Variants in CAPZB observed in about 807,000 individuals in gnomAD.
CAPZB encodes capping actin protein of muscle Z-line subunit beta.
In CAPZB, 2 loss-of-function variants were observed where a neutral mutation model predicts 38.1. The ratio of observed to expected loss-of-function variants is 0.05; its 90% CI spans 0.02 to 0.17. The LOEUF (loss-of-function observed/expected upper bound fraction) is 0.17, where lower values mean the gene tolerates loss of function less well. Ranked by LOEUF, CAPZB falls within the 10% of genes least tolerant of loss-of-function variation. CAPZB has a pLI of 1.00. For missense variants in CAPZB, 161 were observed against 334.2 expected (o/e 0.48, Z 4.04); for synonymous variants, 107 against 127.4 (o/e 0.84, Z 1.08).
chr1:19,477,363 G>A (rs1293620143), intron 1 of CAPZB, among the ~76,000 whole-genome samples: 1 of 152,240 alleles, frequency 6.6e-6, no homozygotes, highest in African/African-American at 2.4e-5. Flanking sequence ...AAGGTGTCTG[G>A]AGGGTATACA....
chr1:19,344,284 C>T (rs941254163), intron 8 of CAPZB, 74 bp downstream of exon 8: 27 of 1,203,776 alleles, frequency 2.2e-5, no homozygotes, highest in Admixed American at 1.7e-4. Flanking sequence ...CAAGACCACA[C>T]AGCTAGTAAC....
In CAPZB at chr1:19,369,782, G is replaced by A. The variant is rs554708873; in HGVS notation, c.329+8758C>T. Among the ~76,000 whole-genome samples, 14 of 152,180 alleles carry A rather than the reference G, an allele frequency of 9.2e-5. No homozygotes were observed. The East Asian group carries it at 1.3e-3, about 15-fold the overall frequency. ...GAAGGGGGATGTCCCCAACCAAACC[G>A]TCCCTGCAGCTCCAGGATGTTCTTA... On this transcript the variant is annotated intron_variant, in intron 4 of 8. Transcript: ENST00000264202.
rs143919102 is a variant in CAPZB, at chr1:19,449,691, A to G, written c.4-29941T>C. 8.0e-3 allele frequency among the ~76,000 whole-genome samples: 1,213 copies of G among 151,656 alleles called. 8 individuals carry two copies. The highest frequency in any genetic ancestry group is 0.027 in the African/African-American group (1,109 of 41,308). The stretch of plus-strand genomic sequence containing the variant: ...TCCCATCTACTTGAGAGGCTGAGGC[A>G]TGAGAAACCTTGAACCTAAGAGGCA... On this transcript the variant is annotated intron_variant, in intron 1 of 8. Transcript: ENST00000264202.
intron 1 of CAPZB, among the ~76,000 whole-genome samples, chr1:19,469,741 T>TACACACACACACACACACACACAC (rs60330360): frequency 7.3e-6 from 1 of 136,620 alleles, no homozygotes; most frequent in African/African-American, 2.8e-5. Flanking sequence ...AGGAAAAGAA[T>TACACACACACACACACACACACAC]ACACACACAC....
chr1:19,467,148 G>A (rs924484430), intron 1 of CAPZB, among the ~76,000 whole-genome samples: 9 of 151,972 alleles, frequency 5.9e-5, no homozygotes, highest in Non-Finnish European at 1.0e-4. Flanking sequence ...TTGGCCTCCC[G>A]AAGTGCTGAG....
intron 1 of CAPZB, among the ~76,000 whole-genome samples, chr1:19,476,211 GATAGATAGATAGA>G (rs2094606270): frequency 7.7e-6 from 1 of 129,036 alleles, no homozygotes; most frequent in African/African-American, 2.8e-5. Flanking sequence ...TAGATAGATA[GATAGATAGATAGA>G]TAGGCAGGCA....
At position 19,348,409 on chromosome 1, in the gene CAPZB, G is replaced by A. The variant is rs529688170; in HGVS notation, c.589-3157C>T. Among the ~76,000 whole-genome samples the A allele has an allele frequency of 5.3e-5, 8 of 152,236 alleles. No individual in the cohort carries two copies. In the East Asian group the frequency reaches 1.5e-3, roughly 29 times the overall value. Reference sequence around the variant, plus strand: ...TAAGGCACTGGGTTTTAAAAGCCTTGAATGAGTTAGCATTCATCTGCTTAA... The same window carrying A: ...TAAGGCACTGGGTTTTAAAAGCCTTAAATGAGTTAGCATTCATCTGCTTAA... On this transcript the variant is annotated intron_variant, in intron 6 of 8. Coordinates refer to ENST00000264202, the MANE Select transcript of CAPZB (RefSeq NM_004930.5).
At chr1:19,473,182 T>C (rs560344677) in intron 1 of CAPZB, among the ~76,000 whole-genome samples, 1 of 152,302 alleles carries the variant, frequency 6.6e-6, no homozygotes, top group East Asian at 1.9e-4. Context: ...AATGACATCC[T>C]TGGATCAGAC....
At chr1:19,483,333 A>G (rs756878443) in intron 1 of CAPZB, among the ~76,000 whole-genome samples, 1 of 152,248 alleles carries the variant, frequency 6.6e-6, no homozygotes, top group Non-Finnish European at 1.5e-5. Context: ...AGCCTGCCAG[A>G]TGGGCTTCCA....
rs145617686 is a variant in CAPZB at position 19,478,731 on chromosome 1, T to C, written c.3+6705A>G. On this transcript the variant is annotated intron_variant, in intron 1 of 8. Coordinates refer to ENST00000264202, the MANE Select transcript of CAPZB (RefSeq NM_004930.5). Reference sequence around the variant, plus strand: ...TTAAGACTCAGATGGCATATTCTATTAGGTCTACCTGACTGCTCAGTAGAC... The same window carrying C: ...TTAAGACTCAGATGGCATATTCTATCAGGTCTACCTGACTGCTCAGTAGAC... Among the ~76,000 whole-genome samples the C allele has an allele frequency of 3.3e-5, 5 of 152,294 alleles. No individual in the cohort carries two copies. The East Asian group carries it at 9.6e-4, about 29-fold the overall frequency.
At chr1:19,359,401 C>T (rs1409469476) in intron 4 of CAPZB, among the ~76,000 whole-genome samples, 1 of 152,158 alleles carries the variant, frequency 6.6e-6, no homozygotes, top group Non-Finnish European at 1.5e-5. Context: ...CTCCAACCCG[C>T]AGACCTGCGG....
chr1:19,460,636 C>T (rs2094548404), intron 1 of CAPZB, among the ~76,000 whole-genome samples: 2 of 138,718 alleles, frequency 1.4e-5, no homozygotes, highest in South Asian at 4.6e-4. Context: ...TGGTCTCAAG[C>T]TCCTGAGCTC....
chr1:19,389,467 A>C (rs1297093382), intron 2 of CAPZB, among the ~76,000 whole-genome samples: 1 of 151,808 alleles, frequency 6.6e-6, no homozygotes, highest in Non-Finnish European at 1.5e-5. Context: ...CAGCTCTGTC[A>C]CCCAGGCTGG....
chr1:19,373,278 C>T (rs2094128214), intron 4 of CAPZB, among the ~76,000 whole-genome samples: 1 of 152,180 alleles, frequency 6.6e-6, no homozygotes, highest in Admixed American at 6.5e-5. Flanking sequence ...TAAGGAGTCA[C>T]GCTCCCAACT....
chr1:19,410,510 T>C (rs1433637342), intron 2 of CAPZB, among the ~76,000 whole-genome samples: 2 of 152,130 alleles, frequency 1.3e-5, no homozygotes, highest in African/African-American at 2.4e-5. Context: ...GGGGCTGCAA[T>C]AGGAAGCTTT....
chr1:19,377,675 A>C (rs2094150692), intron 4 of CAPZB, among the ~76,000 whole-genome samples: 1 of 152,244 alleles, frequency 6.6e-6, no homozygotes, highest in South Asian at 2.1e-4. Flanking sequence ...AACTTGAATT[A>C]GTATTGCCTA....
chr1:19,429,601 C>G (rs1460298472), intron 1 of CAPZB, among the ~76,000 whole-genome samples: 2 of 152,164 alleles, frequency 1.3e-5, no homozygotes, highest in Non-Finnish European at 2.9e-5. Context: ...AGGGCACCGC[C>G]CACAGAGCAT....
chr1:19,350,226 C>A (rs1488969700), intron 6 of CAPZB, among the ~76,000 whole-genome samples: 1 of 152,308 alleles, frequency 6.6e-6, no homozygotes, highest in African/African-American at 2.4e-5. Flanking sequence ...GCCCCACTCA[C>A]CGGCGCTGAG....
chr1:19,345,355 C>T, intron 6 of CAPZB, 103 bp from the exon 7 acceptor site: 2 of 920,910 alleles, frequency 2.2e-6, no homozygotes, highest in Middle Eastern at 4.3e-4. Flanking sequence ...CTACTGTTCC[C>T]ACCGTGGAGC....
Sources: allele counts gnomAD v4.1 joint callset (sites outside exome capture counted in the v4.1 genomes callset), GRCh38; gene constraint gnomAD v4.1.1; transcripts MANE v1.5; gene names NCBI Gene and HGNC (gene_info 2026-07-23, HGNC 2026-07-21).